The following TSPAN18 variants were observed in gnomAD, a reference collection of about 807,000 sequenced individuals.
The protein encoded by TSPAN18 is tetraspanin-18.
Under a neutral mutation model 27.3 loss-of-function variants are expected in TSPAN18, and 14 were observed. The ratio of observed to expected loss-of-function variants is 0.51; its 90% CI spans 0.34 to 0.80. The LOEUF (loss-of-function observed/expected upper bound fraction) is 0.80, where lower values mean the gene tolerates loss of function less well. Ranked by LOEUF, TSPAN18 falls within the 30% of genes least tolerant of loss-of-function variation. TSPAN18 has a pLI of 0.01. For synonymous variants in TSPAN18, 143 were observed against 136.5 expected, an observed-to-expected ratio of 1.05 and a Z score of -0.33; for missense variants, 268 against 323.9, an observed-to-expected ratio of 0.83 and a Z score of 1.32.
chr11:44,891,967 T>C (rs1016299546), intron 3 of TSPAN18, among the ~76,000 whole-genome samples: 1 of 152,172 alleles, frequency 6.6e-6, no homozygotes, highest in Non-Finnish European at 1.5e-5. Flanking sequence ...GGAGGAAGCT[T>C]GTTCTTTGAC....
At chr11:44,807,428 T>G (rs1341355265) in intron 2 of TSPAN18, among the ~76,000 whole-genome samples, 1 of 142,794 alleles carries the variant, frequency 7.0e-6, no homozygotes, top group Non-Finnish European at 1.5e-5. Context: ...CTTGGGAGGC[T>G]GAGGCAGGAG....
intron 3 of TSPAN18, among the ~76,000 whole-genome samples, chr11:44,896,009 C>T (rs1052540237): frequency 1.1e-4 from 16 of 152,202 alleles, no homozygotes; most frequent in African/African-American, 2.4e-4. Flanking sequence ...GTAAAAACCA[C>T]TCACCTGTGT....
At chr11:44,881,367 A>G (rs1294607885) in intron 3 of TSPAN18, among the ~76,000 whole-genome samples, 1 of 152,092 alleles carries the variant, frequency 6.6e-6, no homozygotes, top group East Asian at 1.9e-4. Flanking sequence ...CCGCCCCTGA[A>G]CACCAGTTCC....
At chr11:44,782,214 A>G (rs1038238593) in intron 2 of TSPAN18, among the ~76,000 whole-genome samples, 2 of 152,196 alleles carry the variant, frequency 1.3e-5, no homozygotes, top group African/African-American at 4.8e-5. Flanking sequence ...ATCCTGGAAT[A>G]TAGTGACTGC....
At chr11:44,924,535 T>A in intron 8 of TSPAN18, among the ~76,000 whole-genome samples, 1 of 152,014 alleles carries the variant, frequency 6.6e-6, no homozygotes, top group Non-Finnish European at 1.5e-5. Context: ...ACAAACCCAG[T>A]GTGTGTGTTG....
intron 1 of TSPAN18, among the ~76,000 whole-genome samples, chr11:44,743,122 A>C (rs1394018944): frequency 6.6e-6 from 1 of 151,988 alleles, no homozygotes; most frequent in Non-Finnish European, 1.5e-5. Context: ...TGGTTAGGGG[A>C]AGCTGTCAAC....
intron 2 of TSPAN18, among the ~76,000 whole-genome samples, chr11:44,840,026 G>C (rs532496803): frequency 1.2e-4 from 19 of 152,346 alleles, no homozygotes; most frequent in African/African-American, 4.6e-4. Context: ...GGCTACGTCA[G>C]GAGTGAGCAT....
chr11:44,787,355 C>T (rs1416188316), intron 2 of TSPAN18, among the ~76,000 whole-genome samples: 1 of 152,168 alleles, frequency 6.6e-6, no homozygotes, highest in Non-Finnish European at 1.5e-5. Flanking sequence ...TTCAGAGTCA[C>T]CTTATGTGGA....
At chr11:44,918,785 G>T (rs1364367838) in intron 6 of TSPAN18, among the ~76,000 whole-genome samples, 4 of 152,090 alleles carry the variant, frequency 2.6e-5, no homozygotes, top group Non-Finnish European at 4.4e-5. Flanking sequence ...AACTGTGGAG[G>T]ACTCCTCTGG....
chr11:44,869,554 A>G (rs996488797), intron 3 of TSPAN18, among the ~76,000 whole-genome samples: 5 of 152,228 alleles, frequency 3.3e-5, no homozygotes, highest in Admixed American at 3.3e-4. Flanking sequence ...CAATAGTATC[A>G]GCAGGATAAA....
chr11:44,805,114 C>T (rs1033207557), intron 2 of TSPAN18, among the ~76,000 whole-genome samples: 2 of 152,170 alleles, frequency 1.3e-5, no homozygotes, highest in Non-Finnish European at 2.9e-5. Flanking sequence ...CGGGAGCAGC[C>T]GGCACTGGAC....
chr11:44,775,529 G>A (rs1222750999), intron 2 of TSPAN18, among the ~76,000 whole-genome samples: 1 of 151,912 alleles, frequency 6.6e-6, no homozygotes, highest in Non-Finnish European at 1.5e-5. Context: ...CTCCAGGCAC[G>A]TTTCATTGCC....
chr11:44,808,591 G>C (rs572248930), intron 2 of TSPAN18, among the ~76,000 whole-genome samples: 81 of 152,298 alleles, frequency 5.3e-4, no homozygotes, highest in African/African-American at 1.9e-3. Context: ...AGAGACCTTG[G>C]GGGAGGGAGG....
intron 3 of TSPAN18, among the ~76,000 whole-genome samples, chr11:44,904,425 G>A (rs1394743717): frequency 6.6e-6 from 1 of 152,218 alleles, no homozygotes; most frequent in Non-Finnish European, 1.5e-5. Context: ...CCTTCCTCTT[G>A]GGCTCCAGGC....
At chr11:44,908,775 GAAA>G (rs772996779) in intron 4 of TSPAN18, among the ~76,000 whole-genome samples, 954 of 94,674 alleles carry the variant, frequency 0.01, 147 homozygotes, top group Non-Finnish European at 0.015. Flanking sequence ...AAAGGAGAAA[GAAA>G]GAAAGAAAGA....
chr11:44,830,736 TTTAA>T (rs760970262), intron 2 of TSPAN18, among the ~76,000 whole-genome samples: 16 of 152,142 alleles, frequency 1.1e-4, no homozygotes, highest in Non-Finnish European at 1.9e-4. Context: ...GGCTCAGTCA[TTTAA>T]ACTATGGCTT....
chr11:44,831,207 A>T (rs1857146977), intron 2 of TSPAN18, among the ~76,000 whole-genome samples: 1 of 152,150 alleles, frequency 6.6e-6, no homozygotes, highest in African/African-American at 2.4e-5. Flanking sequence ...ACTTTCTTCA[A>T]CTCTGGTTTA....
rs1342492520 is a variant in TSPAN18 at position 44,932,300 on chromosome 11, A to ATGAT, written c.*3123_*3126dup. 25 of 152,182 alleles carry ATGAT rather than the reference A, an allele frequency of 1.6e-4. No individual in the cohort carries two copies. Among genetic ancestry groups the ATGAT allele is most frequent in the Non-Finnish European group, 4.4e-5 (3 of 68,000 alleles). 9.4% of individuals were successfully genotyped at this position (152,182 alleles called of 1,614,324 possible). A position where few individuals can be genotyped will look rare whatever the true frequency, so the allele number is the denominator to read the frequency against. The stretch of plus-strand genomic sequence containing the variant: ...CTCTCCTGTGAGACCCCCCTTTTAT[A>ATGAT]TGATATATCCAGAGGAAGTTTTGTA... On this transcript the variant is annotated 3_prime_UTR_variant, in exon 10 of 10. Coordinates refer to ENST00000520358, the MANE Select transcript of TSPAN18 (RefSeq NM_130783.5).
At chr11:44,926,590 C>T in intron 8 of TSPAN18, 84 bp from the exon 9 acceptor site, 3 of 1,263,192 alleles carry the variant, frequency 2.4e-6, no homozygotes, top group Non-Finnish European at 3.5e-6. Flanking sequence ...GGACACCTGC[C>T]ATGAACCCTA....
Sources: gnomAD v4.1 joint callset for allele counts (sites outside exome capture counted in the v4.1 genomes callset) on GRCh38, gnomAD v4.1.1 for gene constraint, MANE v1.5 for transcripts, NCBI Gene and HGNC (gene_info 2026-07-23, HGNC 2026-07-21) for gene names.